Variants in DISP1 observed in about 807,000 individuals in gnomAD.
The protein encoded by DISP1 is protein dispatched homolog 1.
Under a neutral mutation model 37.3 loss-of-function variants are expected in DISP1, and 30 were observed. The ratio of observed to expected loss-of-function variants is 0.80; its 90% CI spans 0.60 to 1.09. DISP1 has a LOEUF of 1.09. Among genes scored for constraint, DISP1 ranks in the 50% least tolerant of loss-of-function variants. The pLI, the probability that DISP1 is intolerant of heterozygous loss-of-function variation, is 0.00. For synonymous variants in DISP1, 634 were observed against 690.2 expected (o/e 0.92, Z 1.28); for missense variants, 1,598 against 1,879.5 (o/e 0.85, Z 2.77).
intron 3 of DISP1, among the ~76,000 whole-genome samples, chr1:222,972,807 A>G (rs920837402): frequency 2.6e-5 from 4 of 151,992 alleles, no homozygotes; most frequent in Admixed American, 6.6e-5. Flanking sequence ...ATTGTTCTCT[A>G]ATTTTTTCTT....
chr1:222,875,554 C>T (rs944455261), intron 1 of DISP1, among the ~76,000 whole-genome samples: 3 of 149,220 alleles, frequency 2.0e-5, no homozygotes, highest in African/African-American at 5.0e-5. Flanking sequence ...TGTGGTGGCT[C>T]GTGCCTGTAA....
Position 222,887,480 on chromosome 1 carries a change from G to GTT in DISP1, c.-158-40946_-158-40945dup, listed in dbSNP as rs1670661811. 9.3e-5 allele frequency among the ~76,000 whole-genome samples: 9 copies of GTT among 96,424 alleles called. 1 individual carries two copies. In the South Asian group the frequency reaches 1.3e-3, roughly 14 times the overall value. The allele number at this position is 96,424 out of a possible 152,430, so 63.3% of individuals were successfully genotyped here. ...TTAGGTAATTTATAAATGTCACATT[G>GTT]TTTTTGTTTTTTTTTTTTTTTTTTT... On this transcript the variant is annotated intron_variant, in intron 1 of 8. Coordinates refer to ENST00000675850, the MANE Select transcript of DISP1 (RefSeq NM_001377229.1).
At chr1:222,982,293 C>G (rs1677890588) in intron 3 of DISP1, among the ~76,000 whole-genome samples, 1 of 152,206 alleles carries the variant, frequency 6.6e-6, no homozygotes, top group Admixed American at 6.5e-5. Flanking sequence ...GGAGGTCTCA[C>G]AAACCCCATG....
At chr1:222,967,184 G>T (rs1447900831) in intron 3 of DISP1, among the ~76,000 whole-genome samples, 2 of 151,958 alleles carry the variant, frequency 1.3e-5, no homozygotes, top group African/African-American at 4.8e-5. Flanking sequence ...ATTCCCCCTT[G>T]ATGTGAAGAT....
At chr1:222,952,206 T>C (rs941435930) in intron 3 of DISP1, among the ~76,000 whole-genome samples, 1 of 152,212 alleles carries the variant, frequency 6.6e-6, no homozygotes, top group African/African-American at 2.4e-5. Context: ...GGCTTTTCAA[T>C]AAAGCCAGTA....
chr1:222,875,119 G>T (rs1264417486), intron 1 of DISP1, among the ~76,000 whole-genome samples: 2 of 152,070 alleles, frequency 1.3e-5, no homozygotes, highest in Non-Finnish European at 2.9e-5. Flanking sequence ...GGCTTATAAT[G>T]GGATGGGGTA....
chr1:222,947,432 A>G (rs1674875672), intron 3 of DISP1, among the ~76,000 whole-genome samples: 1 of 152,114 alleles, frequency 6.6e-6, no homozygotes, highest in South Asian at 2.1e-4. Flanking sequence ...TCATTTTATC[A>G]ATTACACAAT....
intron 1 of DISP1, chr1:222,899,652 C>T (rs1233064783): frequency 1.3e-5 from 2 of 152,184 alleles, no homozygotes; most frequent in Non-Finnish European, 1.5e-5. Context: ...GATCATAGTT[C>T]GCTGCAGCTT....
intron 3 of DISP1, among the ~76,000 whole-genome samples, chr1:222,961,487 A>T (rs367613374): frequency 6.6e-6 from 1 of 152,312 alleles, no homozygotes; most frequent in South Asian, 2.1e-4. Flanking sequence ...ATAGCTATTC[A>T]TGATAAAACC....
chr1:222,824,136 T>C (rs909387677), intron 1 of DISP1, among the ~76,000 whole-genome samples: 1 of 152,150 alleles, frequency 6.6e-6, no homozygotes, highest in Non-Finnish European at 1.5e-5. Flanking sequence ...GTGAAACTTA[T>C]TTTACCTTGT....
chr1:222,977,494 T>C (rs1013626481), intron 3 of DISP1, among the ~76,000 whole-genome samples: 2 of 151,568 alleles, frequency 1.3e-5, no homozygotes, highest in Non-Finnish European at 2.9e-5. Flanking sequence ...TGTCACTATA[T>C]TTTTATGACA....
intron 3 of DISP1, among the ~76,000 whole-genome samples, chr1:222,975,418 A>G (rs550928161): frequency 2.0e-5 from 3 of 152,282 alleles, no homozygotes; most frequent in Admixed American, 1.3e-4. Flanking sequence ...GTATTTCAGT[A>G]TTCTTATTTG....
intron 1 of DISP1, among the ~76,000 whole-genome samples, chr1:222,876,602 C>T (rs1175458100): frequency 1.3e-5 from 2 of 152,122 alleles, no homozygotes; most frequent in Non-Finnish European, 2.9e-5. Flanking sequence ...CAAAGTAGAG[C>T]TGTGTATGAA....
intron 1 of DISP1, among the ~76,000 whole-genome samples, chr1:222,831,404 A>G (rs1287270718): frequency 2.0e-5 from 3 of 152,224 alleles, no homozygotes; most frequent in African/African-American, 7.2e-5. Context: ...TAAATATATA[A>G]TAAATGCCCA....
chr1:222,898,834 T>C (rs1373482476), intron 1 of DISP1, among the ~76,000 whole-genome samples: 1 of 152,160 alleles, frequency 6.6e-6, no homozygotes, highest in Non-Finnish European at 1.5e-5. Context: ...CATTGCCGTA[T>C]ATCTCCTGTA....
intron 1 of DISP1, among the ~76,000 whole-genome samples, chr1:222,831,887 T>C (rs933690994): frequency 2.0e-5 from 3 of 152,172 alleles, no homozygotes; most frequent in Non-Finnish European, 4.4e-5. Context: ...CTCTGAAGTT[T>C]GTGAAACAGT....
chr1:222,952,546 A>C (rs979961392), intron 3 of DISP1, among the ~76,000 whole-genome samples: 4 of 152,198 alleles, frequency 2.6e-5, no homozygotes, highest in Non-Finnish European at 4.4e-5. Context: ...ACAAAAATAA[A>C]ATCCCTTCAA....
intron 1 of DISP1, among the ~76,000 whole-genome samples, chr1:222,895,229 G>C (rs1399082696): frequency 6.6e-6 from 1 of 152,202 alleles, no homozygotes. Context: ...AGCCTAAGGA[G>C]ATACTGTCCA....
intron 1 of DISP1, among the ~76,000 whole-genome samples, chr1:222,925,669 C>A (rs1673040223): frequency 6.6e-6 from 1 of 152,084 alleles, no homozygotes; most frequent in Admixed American, 6.6e-5. Flanking sequence ...ACCTTTCCTA[C>A]CCTCTAGGAG....
Sources: allele counts gnomAD v4.1 joint callset (sites outside exome capture counted in the v4.1 genomes callset), GRCh38; gene constraint gnomAD v4.1.1; transcripts MANE v1.5; gene names NCBI Gene and HGNC (gene_info 2026-07-23, HGNC 2026-07-21).